RXRG: variants seen among roughly 807,000 people sequenced by gnomAD.
The protein encoded by RXRG is retinoid X receptor gamma, also known as retinoic acid receptor RXR-gamma.
A neutral mutation model predicts 49.2 loss-of-function variants in RXRG; 19 were observed. The observed-to-expected ratio is 0.39, with a 90% CI of 0.27 to 0.57. The LOEUF (loss-of-function observed/expected upper bound fraction) is 0.57, where lower values mean the gene tolerates loss of function less well. RXRG is among the 20% of genes least tolerant of loss of function. The pLI is 0.64. For missense variants in RXRG, 452 were observed against 592.5 expected, an observed-to-expected ratio of 0.76 and a Z score of 2.46; for synonymous variants, 224 against 216.6, an observed-to-expected ratio of 1.03 and a Z score of -0.30.
In RXRG at chr1:165,401,226, G is replaced by A. The variant is rs970846347; in HGVS notation, c.*37C>T. The A allele has an allele frequency of 2.9e-5, 47 of 1,610,740 alleles. No homozygotes were observed. Among genetic ancestry groups the A allele is most frequent in the African/African-American group, 4.0e-5 (3 of 74,836 alleles). ...TGGGGGTCCACACACACCTGCCCAG[G>A]GGTCATCCTGGGTGGGGAGGCTGTG... On this transcript the variant is annotated 3_prime_UTR_variant, in exon 10 of 10. Coordinates refer to ENST00000359842, the MANE Select transcript of RXRG (RefSeq NM_006917.5).
Position 165,441,634 on chromosome 1 carries a change from C to T in RXRG, c.49+3211G>A, listed in dbSNP as rs79935005. Among the ~76,000 whole-genome samples the T allele has an allele frequency of 9.5e-3, 1,443 of 152,260 alleles. 93 individuals carry two copies. In the East Asian group the frequency reaches 0.14, roughly 14 times the overall value. ...GTAAAGTGCTTACAATAGTAGCGAG[C>T]ATTAGTGTTACAGTGTGTTTGTTAA... On this transcript the variant is annotated intron_variant, in intron 1 of 9. Transcript: ENST00000359842.
At chr1:165,410,228 G>A (rs1657900249) in intron 6 of RXRG, among the ~76,000 whole-genome samples, 2 of 152,116 alleles carry the variant, frequency 1.3e-5, no homozygotes, top group South Asian at 2.1e-4. Flanking sequence ...CTGGCTCAGT[G>A]ACAAAGAGGA....
In RXRG at chr1:165,423,108, G is replaced by A. The variant is rs144263076; in HGVS notation, c.298-3094C>T. On this transcript the variant is annotated intron_variant, in intron 2 of 9. Coordinates refer to ENST00000359842, the MANE Select transcript of RXRG (RefSeq NM_006917.5). ...GGCAGGAGGGGCAGTGAGACAGGTT[G>A]GTTGATGTTTTCTCTGTCCATCTCT... Among the ~76,000 whole-genome samples the A allele has an allele frequency of 1.4e-3, 212 of 152,312 alleles. 1 individual carries two copies. Among genetic ancestry groups the A allele is most frequent in the African/African-American group, 3.0e-3 (123 of 41,568 alleles).
At chr1:165,429,274 A>G (rs1309484710) in intron 1 of RXRG, among the ~76,000 whole-genome samples, 1 of 152,136 alleles carries the variant, frequency 6.6e-6, no homozygotes, top group Non-Finnish European at 1.5e-5. Context: ...AGTCCAGAAG[A>G]CCCCAGCCTG....
At chr1:165,436,874 A>G in intron 1 of RXRG, 3 of 1,081,446 alleles carry the variant, frequency 2.8e-6, no homozygotes, top group African/African-American at 1.7e-5. Flanking sequence ...GTTAAAGATC[A>G]ATCCCAAACT....
At chr1:165,403,666 C>T (rs561786826) in intron 9 of RXRG, among the ~76,000 whole-genome samples, 7 of 152,282 alleles carry the variant, frequency 4.6e-5, no homozygotes, top group South Asian at 4.1e-4. Context: ...GCTGAACTCC[C>T]GGCCGTGCCT....
At chr1:165,441,759 T>C (rs1659011758) in intron 1 of RXRG, among the ~76,000 whole-genome samples, 1 of 152,182 alleles carries the variant, frequency 6.6e-6, no homozygotes, top group East Asian at 1.9e-4. Context: ...TTTGCCATCT[T>C]CTAAGAGGCA....
intron 6 of RXRG, 81 bp downstream of exon 6, chr1:165,410,621 G>A: frequency 6.6e-7 from 1 of 1,504,382 alleles, no homozygotes; most frequent in South Asian, 1.2e-5. Context: ...ACATGTTGCA[G>A]CTCCATCAGG....
intron 1 of RXRG, among the ~76,000 whole-genome samples, chr1:165,433,657 C>A (rs1421974130): frequency 6.6e-6 from 1 of 152,216 alleles, no homozygotes; most frequent in East Asian, 1.9e-4. Context: ...AGCTGGCACT[C>A]AGTGACCTGA....
chr1:165,406,747 G>C (rs955221221), intron 9 of RXRG, 65 bp downstream of exon 9: 1 of 1,136,316 alleles, frequency 8.8e-7, no homozygotes, highest in Non-Finnish European at 1.3e-6. Flanking sequence ...GCACTTTAGG[G>C]GCTCAGTAGA....
At chr1:165,408,181 G>A in intron 8 of RXRG, 46 bp downstream of exon 8, 1 of 1,420,010 alleles carries the variant, frequency 7.0e-7, no homozygotes. Context: ...GTTGACCGTG[G>A]AAGAGGGCTG....
At chr1:165,426,799 CTGA>C (rs1457322962) in intron 2 of RXRG, among the ~76,000 whole-genome samples, 4 of 152,196 alleles carry the variant, frequency 2.6e-5, no homozygotes, top group Middle Eastern at 3.4e-3. Context: ...ATTTTGGAGG[CTGA>C]TAAGTCCCAA....
intron 3 of RXRG, 67 bp from the exon 4 acceptor site, chr1:165,417,287 A>G: frequency 7.0e-7 from 1 of 1,429,678 alleles, no homozygotes; most frequent in Non-Finnish European, 9.5e-7. Context: ...ATTCAAAAGA[A>G]CCTCTTGGCT....
At position 165,417,159 on chromosome 1, in the gene RXRG, C is replaced by G; in HGVS notation, c.504G>C (p.Arg168Ser). The part of the protein sequence containing the change: ...GCKGFFKRTI[R>S]KDLIYTCRDN... ...CCCGACACGTGTAGATGAGGTCCTT[C>G]CTTATCGTCCTCTTGAAGAACCCTT... Residue 168 changes from arginine to serine, a missense_variant, in exon 4 of 10, where the codon AGG becomes AGC. Physicochemically the swap from Arg to Ser is moderately radical, Grantham distance 110. Transcript: ENST00000359842. The G allele has an allele frequency of 6.2e-7, 1 of 1,613,936 alleles. No homozygotes were observed. The highest frequency in any genetic ancestry group is 8.5e-7 in the Non-Finnish European group (1 of 1,179,936).
In RXRG at chr1:165,401,202, G is replaced by T; in HGVS notation, c.*61C>A. On this transcript the variant is annotated 3_prime_UTR_variant, in exon 10 of 10. Transcript: ENST00000359842. ...TGGGAGGTGGAGGAAAGTGCAGGGT[G>T]GGGGTCCACACACACCTGCCCAGGG... 1.3e-6 allele frequency: 2 copies of T among 1,531,216 alleles called. No individual in the cohort carries two copies. The highest frequency in any genetic ancestry group is 1.8e-6 in the Non-Finnish European group (2 of 1,114,058). The allele number at this position is 1,531,216 out of a possible 1,614,324, so 94.9% of individuals were successfully genotyped here. A position where few individuals can be genotyped will look rare whatever the true frequency, so the allele number is the denominator to read the frequency against.
chr1:165,414,371 T>A lies in RXRG; in HGVS notation c.622+2670A>T, dbSNP rs79107434. Among the ~76,000 whole-genome samples the A allele has an allele frequency of 9.5e-3, 1,442 of 152,320 alleles. 65 individuals carry two copies. In the South Asian group the frequency reaches 0.11, roughly 11 times the overall value. On this transcript the variant is annotated intron_variant, in intron 4 of 9. Transcript: ENST00000359842. ...CATGTCCCTGTTTTCCTTCCTTTTT[T>A]AAAAACATTTAACGAACCACAGTTC...
intron 8 of RXRG, among the ~76,000 whole-genome samples, chr1:165,407,325 A>G (rs1232847215): frequency 1.3e-5 from 2 of 152,228 alleles, no homozygotes. Context: ...CTGGAGATAA[A>G]GCCTCTGCAT....
At position 165,428,870 on chromosome 1, in the gene RXRG, G is replaced by C; in HGVS notation, c.146C>G (p.Pro49Arg). 6.2e-7 allele frequency: 1 copy of C among 1,614,128 alleles called. No homozygotes were observed. Among genetic ancestry groups the C allele is most frequent in the Non-Finnish European group, 8.5e-7 (1 of 1,180,012 alleles). ...ACTCAGAGTCCGTGGGGCACTCACT[G>C]GGGTATCTGTGTAGCTGGGGTGGCT... ...MDSHPSYTDT[P>R]VSAPRTLSAV... The change falls in exon 2 of 10, where the codon CCA becomes CGA. Residue 49 changes from proline to arginine, a missense_variant. Physicochemically the swap from Pro to Arg is moderately radical, Grantham distance 103. Transcript: ENST00000359842.
chr1:165,409,475 G>A, intron 7 of RXRG, 83 bp downstream of exon 7: 2 of 1,256,322 alleles, frequency 1.6e-6, no homozygotes, highest in Non-Finnish European at 2.0e-6. Flanking sequence ...GAGAATTCAT[G>A]TATGTACACA....
Sources: gnomAD v4.1 joint callset for allele counts (sites outside exome capture counted in the v4.1 genomes callset) on GRCh38, gnomAD v4.1.1 for gene constraint, MANE v1.5 for transcripts, NCBI Gene and HGNC (gene_info 2026-07-23, HGNC 2026-07-21) for gene names.